FKTN: variants seen among roughly 807,000 people sequenced by gnomAD.
The protein encoded by FKTN is fukutin.
In FKTN, 47 loss-of-function variants were observed where a neutral mutation model predicts 58.6. The ratio of observed to expected loss-of-function variants is 0.80; its 90% CI spans 0.63 to 1.02. The LOEUF (loss-of-function observed/expected upper bound fraction) is 1.02, where lower values mean the gene tolerates loss of function less well. Ranked by LOEUF, FKTN falls within the 50% of genes least tolerant of loss-of-function variation. The pLI, the probability that FKTN is intolerant of heterozygous loss-of-function variation, is 0.00. For missense variants in FKTN, 516 were observed against 537.3 expected, an observed-to-expected ratio of 0.96 and a Z score of 0.39; for synonymous variants, 178 against 191.9, an observed-to-expected ratio of 0.93 and a Z score of 0.60.
chr9:105,590,855 A>T (rs1344802662), intron 3 of FKTN, among the ~76,000 whole-genome samples: 3 of 152,078 alleles, frequency 2.0e-5, no homozygotes, highest in Non-Finnish European at 4.4e-5. Flanking sequence ...AGGAAGCATG[A>T]TGCTAGCATC....
chr9:105,627,383 T>C (rs570711188), intron 10 of FKTN, among the ~76,000 whole-genome samples: 2 of 152,290 alleles, frequency 1.3e-5, no homozygotes, highest in Admixed American at 1.3e-4. Flanking sequence ...TCTTTCCCTA[T>C]CCCAAGATAA....
rs1010517705 is a variant in FKTN, at chr9:105,620,419, A to G, written c.1172+358A>G. ...TAATTTGTGGCCTTTAGATTTTCTGAACGTAATCATTTTATCCATTACATT... is the reference window on the plus strand; with the variant it reads ...TAATTTGTGGCCTTTAGATTTTCTGGACGTAATCATTTTATCCATTACATT... On this transcript the variant is annotated intron_variant, in intron 10 of 10. Coordinates refer to ENST00000357998, the MANE Select transcript of FKTN (RefSeq NM_001079802.2). Among the ~76,000 whole-genome samples, 10 of 152,160 alleles carry G rather than the reference A, an allele frequency of 6.6e-5. No individual in the cohort carries two copies. The East Asian group carries it at 1.9e-3, about 29-fold the overall frequency.
chr9:105,571,594 G>A (rs532902201), intron 1 of FKTN, among the ~76,000 whole-genome samples: 2 of 152,208 alleles, frequency 1.3e-5, no homozygotes, highest in South Asian at 4.2e-4. Flanking sequence ...GCTTATATAG[G>A]CAGGCCTATT....
rs1833936643 is a variant in FKTN, at chr9:105,635,152, A to G, written c.1274A>G (p.Lys425Arg). ...GAATACATTGAAGCCAACTATGGTA[A>G]GACCTGGAAGATTCCTGTAAAGACG... ...TLEYIEANYG[K>R]TWKIPVKTWD... The change falls in exon 11 of 11, where the codon AAG (lysine) becomes AGG (arginine). Residue 425 changes from lysine to arginine, a missense_variant. Coordinates refer to ENST00000357998, the MANE Select transcript of FKTN (RefSeq NM_001079802.2). 1.2e-6 allele frequency: 2 copies of G among 1,614,116 alleles called. No individual in the cohort carries two copies. Among genetic ancestry groups the G allele is most frequent in the Non-Finnish European group, 1.7e-6 (2 of 1,179,940 alleles).
chr9:105,605,226 T>C (rs1264166118), intron 6 of FKTN, among the ~76,000 whole-genome samples: 1 of 152,098 alleles, frequency 6.6e-6, no homozygotes, highest in Non-Finnish European at 1.5e-5. Context: ...AAGTGAACTA[T>C]CCTTTAAAGG....
At chr9:105,605,768 GA>G (rs1828778970) in intron 6 of FKTN, among the ~76,000 whole-genome samples, 1 of 152,274 alleles carries the variant, frequency 6.6e-6, no homozygotes, top group Middle Eastern at 3.4e-3. Context: ...AAGAGGGGAA[GA>G]GGGGGATGGT....
chr9:105,634,397 G>A (rs1833833669), intron 10 of FKTN, among the ~76,000 whole-genome samples: 1 of 152,166 alleles, frequency 6.6e-6, no homozygotes, highest in African/African-American at 2.4e-5. Context: ...GCCTCCCAAA[G>A]AGCTGGGATT....
At chr9:105,583,984 G>T in intron 3 of FKTN, among the ~76,000 whole-genome samples, 1 of 152,134 alleles carries the variant, frequency 6.6e-6, no homozygotes, top group East Asian at 1.9e-4. Flanking sequence ...AAGAACTGCT[G>T]TCTCAACCCT....
At chr9:105,564,824 G>A (rs1377973126) in intron 1 of FKTN, among the ~76,000 whole-genome samples, 2 of 152,130 alleles carry the variant, frequency 1.3e-5, no homozygotes, top group Non-Finnish European at 2.9e-5. Context: ...CTCGAGAAGA[G>A]CAACTCCAAA....
In FKTN at chr9:105,619,970, G is replaced by T. The variant is rs1158242019; in HGVS notation, c.1081G>T (p.Asp361Tyr). ...DSLELSFQGK[D>Y]DVKLDVFFFY... ...CTTGGAACTATCCTTCCAGGGAAAA[G>T]ATGATGTAAAACTTGATGTTTTTTT... The change falls in exon 10 of 11, where the codon GAT becomes TAT. Residue 361 changes from aspartate (D) to tyrosine (Y), a missense_variant. By Grantham distance (160) the Asp-to-Tyr change is radical (BLOSUM62 -3). Coordinates refer to ENST00000357998, the MANE Select transcript of FKTN (RefSeq NM_001079802.2). 6.2e-7 allele frequency: 1 copy of T among 1,612,712 alleles called. No homozygotes were observed. The highest frequency in any genetic ancestry group is 1.7e-5 in the Admixed American group (1 of 60,018).
At chr9:105,571,288 C>T (rs1315394243) in intron 1 of FKTN, among the ~76,000 whole-genome samples, 2 of 152,036 alleles carry the variant, frequency 1.3e-5, no homozygotes, top group Admixed American at 1.3e-4. Flanking sequence ...AATCAACATA[C>T]TATGGCTTCT....
At chr9:105,592,729 AT>A (rs766886639) in intron 3 of FKTN, among the ~76,000 whole-genome samples, 15 of 152,214 alleles carry the variant, frequency 9.9e-5, no homozygotes, top group Non-Finnish European at 1.6e-4. Context: ...CCAGGGCACA[AT>A]GCAGCCAGGT....
rs398123555 is a variant in FKTN at position 105,620,049 on chromosome 9, G to GA, written c.1167dup (p.Phe390IlefsTer14). 296 of 1,611,256 alleles carry GA rather than the reference G, an allele frequency of 1.8e-4. No individual in the cohort carries two copies. The highest frequency in any genetic ancestry group is 8.0e-5 in the African/African-American group (6 of 74,662). ...AATGGAGGCACTCAGGCCAAAACAG[G>GA]AAAAAAATTCAAGTATGAATCAAAT... On this transcript the variant is annotated frameshift_variant, in exon 10 of 11. Coordinates refer to ENST00000357998, the MANE Select transcript of FKTN (RefSeq NM_001079802.2). LOFTEE classifies it high-confidence loss of function.
chr9:105,580,571 C>G (rs1842699701), intron 3 of FKTN, among the ~76,000 whole-genome samples: 1 of 96,234 alleles, frequency 1.0e-5, no homozygotes, highest in African/African-American at 4.1e-5. Context: ...TGAGGGTAAC[C>G]CGACCTTTCT....
At chr9:105,623,229 T>C (rs1054892441) in intron 10 of FKTN, 8 of 152,132 alleles carry the variant, frequency 5.3e-5, no homozygotes, top group African/African-American at 1.9e-4. Context: ...AAGGTAATAA[T>C]AATAGTTAAC....
intron 6 of FKTN, among the ~76,000 whole-genome samples, chr9:105,607,503 GAT>G (rs2132886937): frequency 6.6e-6 from 1 of 152,104 alleles, no homozygotes; most frequent in East Asian, 1.9e-4. Context: ...TGACATAATT[GAT>G]GAAACTATGC....
At chr9:105,580,332 T>A (rs552865105) in intron 3 of FKTN, among the ~76,000 whole-genome samples, 2 of 151,984 alleles carry the variant, frequency 1.3e-5, no homozygotes, top group African/African-American at 4.8e-5. Context: ...GTTTAGTGCT[T>A]CCTTCAGGAG....
At chr9:105,560,539 T>C (rs151214067) in intron 1 of FKTN, among the ~76,000 whole-genome samples, 9 of 152,136 alleles carry the variant, frequency 5.9e-5, no homozygotes, top group Non-Finnish European at 1.2e-4. Flanking sequence ...TGGAACAATA[T>C]AGAAAAGTGT....
chr9:105,618,899 T>C (rs1010376859), intron 9 of FKTN, among the ~76,000 whole-genome samples: 4 of 150,874 alleles, frequency 2.7e-5, no homozygotes, highest in African/African-American at 9.8e-5. Context: ...CTACTAAAAA[T>C]ACAAAAAAAA....
Sources: gnomAD v4.1 joint callset for allele counts (sites outside exome capture counted in the v4.1 genomes callset) on GRCh38, gnomAD v4.1.1 for gene constraint, MANE v1.5 for transcripts, NCBI Gene and HGNC (gene_info 2026-07-23, HGNC 2026-07-21) for gene names.